GDPD1: variants seen among roughly 807,000 people sequenced by gnomAD.
GDPD1 encodes the protein lysophospholipase D GDPD1.
Under a neutral mutation model 45.1 loss-of-function variants are expected in GDPD1, and 28 were observed. The observed-to-expected ratio is 0.62, with a 90% CI of 0.46 to 0.85. The LOEUF (loss-of-function observed/expected upper bound fraction) is 0.85, where lower values mean the gene tolerates loss of function less well. Among genes scored for constraint, GDPD1 ranks in the 40% least tolerant of loss-of-function variants. The probability of loss-of-function intolerance (pLI) is 0.00; values close to 1 mark genes in which losing one functional copy is unlikely to be tolerated. For synonymous variants in GDPD1, 139 were observed against 131.4 expected (o/e 1.06, Z -0.40); for missense variants, 256 against 364.8 (o/e 0.70, Z 2.43).
intron 1 of GDPD1, among the ~76,000 whole-genome samples, chr17:59,223,037 G>A (rs186073691): frequency 2.1e-3 from 319 of 152,220 alleles, no homozygotes; most frequent in Non-Finnish European, 3.1e-3. Flanking sequence ...ACACTCTGCA[G>A]GTGAAAAAAC....
chr17:59,272,260 T>C (rs900167658), intron 8 of GDPD1, among the ~76,000 whole-genome samples: 1 of 152,202 alleles, frequency 6.6e-6, no homozygotes, highest in African/African-American at 2.4e-5. Context: ...AGTTCACTTA[T>C]CAGTGAGTTA....
At chr17:59,247,872 T>C (rs1050330147) in intron 3 of GDPD1, among the ~76,000 whole-genome samples, 4 of 152,020 alleles carry the variant, frequency 2.6e-5, no homozygotes, top group Non-Finnish European at 5.9e-5. Flanking sequence ...TCAGGTGATA[T>C]GCCTGCCTCA....
At chr17:59,261,726 T>C (rs948848798) in intron 6 of GDPD1, among the ~76,000 whole-genome samples, 1 of 151,716 alleles carries the variant, frequency 6.6e-6, no homozygotes, top group South Asian at 2.1e-4. Flanking sequence ...CCTGAATTCC[T>C]GGCCTCAAGT....
chr17:59,234,649 T>C (rs1295546927), intron 2 of GDPD1, 115 bp downstream of exon 2: 3 of 685,306 alleles, frequency 4.4e-6, no homozygotes, highest in East Asian at 5.5e-5. Context: ...CAGTTTGTGA[T>C]AGTTGTTTCT....
intron 1 of GDPD1, among the ~76,000 whole-genome samples, chr17:59,224,788 C>T (rs959912501): frequency 3.9e-5 from 6 of 151,978 alleles, no homozygotes; most frequent in Admixed American, 2.0e-4. Flanking sequence ...TGTGAATAGC[C>T]GCTGAACTTC....
chr17:59,254,312 G>T (rs2047279328), intron 4 of GDPD1, among the ~76,000 whole-genome samples: 1 of 148,986 alleles, frequency 6.7e-6, no homozygotes, highest in Non-Finnish European at 1.5e-5. Flanking sequence ...GATGAGCCGA[G>T]ATGGCACCGC....
In GDPD1 at chr17:59,273,634, A is replaced by G; in HGVS notation, c.823-17A>G. ...TTTAACATTTCTTCTCATACTTCTC[A>G]CACTTCTAATTTTCAGGTGTATATT... On this transcript the variant is annotated splice_polypyrimidine_tract_variant and intron_variant, in intron 9 of 9. Transcript: ENST00000284116. 7.2e-7 allele frequency: 1 copy of G among 1,386,420 alleles called. No individual in the cohort carries two copies. Among genetic ancestry groups the G allele is most frequent in the Non-Finnish European group, 1.0e-6 (1 of 1,001,550 alleles). The allele number at this position is 1,386,420 out of a possible 1,614,324, so 85.9% of individuals were successfully genotyped here.
At chr17:59,259,205 G>A (rs193243639) in intron 6 of GDPD1, among the ~76,000 whole-genome samples, 27 of 151,194 alleles carry the variant, frequency 1.8e-4, no homozygotes, top group African/African-American at 6.5e-4. Context: ...CGAGGCAGGC[G>A]GATCACCTGA....
At position 59,273,849 on chromosome 17, in the gene GDPD1, G is replaced by A; in HGVS notation, c.*76G>A. On this transcript the variant is annotated 3_prime_UTR_variant, in exon 10 of 10. Transcript: ENST00000284116. Reference sequence around the variant, plus strand: ...AAATATTTCATGATCATTTCCCTAAGCCATTTCCAGAATGGTAAAAGGTTT... The same window carrying A: ...AAATATTTCATGATCATTTCCCTAAACCATTTCCAGAATGGTAAAAGGTTT... The A allele has an allele frequency of 7.1e-7, 1 of 1,415,046 alleles. No individual in the cohort carries two copies. Among genetic ancestry groups the A allele is most frequent in the Non-Finnish European group, 9.2e-7 (1 of 1,081,850 alleles). 87.7% of individuals were successfully genotyped at this position (1,415,046 alleles called of 1,614,324 possible).
rs114646746 is a variant in GDPD1 at position 59,233,145 on chromosome 17, G to A, written c.143-1347G>A. 4.8e-3 allele frequency among the ~76,000 whole-genome samples: 731 copies of A among 152,238 alleles called. 9 individuals are homozygous for A. Among genetic ancestry groups the A allele is most frequent in the African/African-American group, 0.017 (687 of 41,534 alleles). ...GCACAAGAATCACTTGAACCTTTCA[G>A]GTGGAGGTTGCAGTGAGCCGAGATC... On this transcript the variant is annotated intron_variant, in intron 1 of 9. Transcript: ENST00000284116.
At chr17:59,265,088 G>A (rs561956442) in intron 6 of GDPD1, among the ~76,000 whole-genome samples, 133 of 152,200 alleles carry the variant, frequency 8.7e-4, no homozygotes, top group African/African-American at 3.1e-3. Context: ...TGATCCACCC[G>A]CCTTGGCCTC....
intron 6 of GDPD1, 92 bp downstream of exon 6, chr17:59,257,932 T>G (rs2047322240): frequency 1.2e-6 from 1 of 836,660 alleles, no homozygotes; most frequent in Non-Finnish European, 1.7e-6. Context: ...TTTTTTTCTT[T>G]TTCTTATTTT....
intron 2 of GDPD1, among the ~76,000 whole-genome samples, chr17:59,237,036 A>G (rs2047137411): frequency 6.6e-6 from 1 of 152,150 alleles, no homozygotes; most frequent in South Asian, 2.1e-4. Context: ...TAGGAAACTT[A>G]GAAGGTTTTT....
chr17:59,239,594 T>C (rs924216196), intron 2 of GDPD1, among the ~76,000 whole-genome samples: 3 of 152,142 alleles, frequency 2.0e-5, no homozygotes, highest in African/African-American at 7.2e-5. Flanking sequence ...CAAGTTGTCC[T>C]AGATACACTT....
chr17:59,227,805 G>C (rs993939539), intron 1 of GDPD1, among the ~76,000 whole-genome samples: 41 of 152,248 alleles, frequency 2.7e-4, no homozygotes, highest in African/African-American at 9.4e-4. Context: ...CAATTAAACT[G>C]TTCATTATAC....
chr17:59,270,645 T>C (rs982902303), intron 7 of GDPD1, among the ~76,000 whole-genome samples: 11 of 152,176 alleles, frequency 7.2e-5, no homozygotes, highest in Non-Finnish European at 1.6e-4. Context: ...AAACGAGATA[T>C]GAGCCTAGGG....
intron 1 of GDPD1, among the ~76,000 whole-genome samples, chr17:59,228,229 T>G (rs981764769): frequency 6.6e-6 from 1 of 151,814 alleles, no homozygotes; most frequent in Non-Finnish European, 1.5e-5. Flanking sequence ...TTAACTCATT[T>G]GATTATACCA....
chr17:59,262,147 C>T (rs928775360), intron 6 of GDPD1, among the ~76,000 whole-genome samples: 2 of 151,544 alleles, frequency 1.3e-5, no homozygotes, highest in African/African-American at 4.9e-5. Flanking sequence ...GTCTCGATCT[C>T]CTGACCTCGT....
chr17:59,255,833 A>ATATATATATACGCG (rs1555724242), intron 4 of GDPD1, among the ~76,000 whole-genome samples: 64 of 22,104 alleles, frequency 2.9e-3, no homozygotes, highest in Non-Finnish European at 4.5e-3. Flanking sequence ...ATATACGCGT[A>ATATATATATACGCG]TATATATATA....
Sources: gnomAD v4.1 joint callset for allele counts (sites outside exome capture counted in the v4.1 genomes callset) on GRCh38, gnomAD v4.1.1 for gene constraint, MANE v1.5 for transcripts, NCBI Gene and HGNC (gene_info 2026-07-23, HGNC 2026-07-21) for gene names.